The following ADCY8 variants were observed in gnomAD, a reference collection of about 807,000 sequenced individuals.
The protein encoded by ADCY8 is adenylate cyclase type 8.
ADCY8 carries 51 observed loss-of-function variants against 119.7 expected under a neutral mutation model. That is an observed-to-expected ratio of 0.43 (90% CI 0.34 to 0.54). The LOEUF is 0.54. Among genes scored for constraint, ADCY8 ranks in the 20% least tolerant of loss-of-function variants. The pLI, the probability that ADCY8 is intolerant of heterozygous loss-of-function variation, is 0.03. For synonymous variants in ADCY8, 665 were observed against 651.0 expected (o/e 1.02, Z -0.33); for missense variants, 1,383 against 1,598.8 (o/e 0.87, Z 2.30).
intron 14 of ADCY8, among the ~76,000 whole-genome samples, chr8:130,801,081 T>C (rs1236882220): frequency 6.6e-6 from 1 of 152,188 alleles, no homozygotes; most frequent in African/African-American, 2.4e-5. Flanking sequence ...GAATATTCAG[T>C]CCATTGCACC....
intron 5 of ADCY8, among the ~76,000 whole-genome samples, chr8:130,917,167 G>A (rs1820154211): frequency 6.6e-6 from 1 of 152,112 alleles, no homozygotes; most frequent in African/African-American, 2.4e-5. Context: ...TCCTGTGCTA[G>A]GCCTTTTACC....
intron 8 of ADCY8, among the ~76,000 whole-genome samples, chr8:130,875,262 T>C (rs1160954536): frequency 2.0e-5 from 3 of 152,200 alleles, no homozygotes; most frequent in African/African-American, 7.2e-5. Flanking sequence ...CTTTGAAACC[T>C]GTCCTTCACA....
chr8:130,874,347 AAATAAAT>A (rs1159976878), intron 8 of ADCY8, among the ~76,000 whole-genome samples: 7 of 121,594 alleles, frequency 5.8e-5, no homozygotes, highest in East Asian at 2.9e-4. Context: ...ATAAATAAAT[AAATAAAT>A]AAAATACACC....
chr8:130,933,009 T>A (rs1820679167), intron 5 of ADCY8, among the ~76,000 whole-genome samples: 1 of 152,160 alleles, frequency 6.6e-6, no homozygotes, highest in Non-Finnish European at 1.5e-5. Flanking sequence ...CCAAATGCCA[T>A]CTTACCAACA....
intron 1 of ADCY8, among the ~76,000 whole-genome samples, chr8:131,010,625 T>C (rs1414227227): frequency 6.6e-6 from 1 of 152,176 alleles, no homozygotes; most frequent in African/African-American, 2.4e-5. Context: ...AATAAAGCAC[T>C]TTAAATAATT....
intron 1 of ADCY8, among the ~76,000 whole-genome samples, chr8:131,015,179 G>A (rs1428102136): frequency 5.3e-5 from 8 of 152,172 alleles, no homozygotes; most frequent in South Asian, 2.1e-4. Context: ...GGATATGTCA[G>A]TCATCAAAAT....
intron 1 of ADCY8, 157 bp from the exon 2 acceptor site, chr8:130,990,699 T>C (rs1804871112): frequency 1.1e-6 from 1 of 875,278 alleles, no homozygotes; most frequent in African/African-American, 1.8e-5. Context: ...CATTCAGATC[T>C]TGAGGCAAAT....
In ADCY8 at chr8:130,890,214, G is replaced by A. The variant is rs546915523; in HGVS notation, c.1912-5453C>T. Reference sequence around the variant, plus strand: ...CGGGGCCTGTTGTGGGGTCAGGGGAGTGGGGAGGGATAGCATTTGGAGATA... The same window carrying A: ...CGGGGCCTGTTGTGGGGTCAGGGGAATGGGGAGGGATAGCATTTGGAGATA... On this transcript the variant is annotated intron_variant, in intron 7 of 17. Transcript: ENST00000286355. Among the ~76,000 whole-genome samples, 1,084 of 141,720 alleles carry A rather than the reference G, an allele frequency of 7.6e-3. 19 individuals are homozygous for A. Among genetic ancestry groups the A allele is most frequent in the Non-Finnish European group, 0.012 (758 of 64,712 alleles). 93.0% of individuals were successfully genotyped at this position (141,720 alleles called of 152,430 possible). A position where few individuals can be genotyped will look rare whatever the true frequency, so the allele number is the denominator to read the frequency against.
Position 130,842,730 on chromosome 8 carries a change from G to C in ADCY8, c.2502+4694C>G, listed in dbSNP as rs117374803. Among the ~76,000 whole-genome samples, 833 of 152,032 alleles carry C rather than the reference G, an allele frequency of 5.5e-3. 6 individuals carry two copies. The highest frequency in any genetic ancestry group is 0.048 in the Middle Eastern group (14 of 294). On this transcript the variant is annotated intron_variant, in intron 11 of 17. Coordinates refer to ENST00000286355, the MANE Select transcript of ADCY8 (RefSeq NM_001115.3). ...ATAATAATAATAAAAAACTTAGCTC[G>C]GTGTGTTGGTGCATGCCTGTAGTCC...
At chr8:130,907,385 T>A (rs1819823658) in intron 6 of ADCY8, among the ~76,000 whole-genome samples, 1 of 152,148 alleles carries the variant, frequency 6.6e-6, no homozygotes, top group South Asian at 2.1e-4. Flanking sequence ...TATAACAATA[T>A]CAAACCATGG....
At chr8:130,983,414 A>G (rs1822296920) in intron 2 of ADCY8, among the ~76,000 whole-genome samples, 1 of 152,174 alleles carries the variant, frequency 6.6e-6, no homozygotes, top group Non-Finnish European at 1.5e-5. Flanking sequence ...GAGGGTAATG[A>G]GTCTGTTGAT....
intron 5 of ADCY8, among the ~76,000 whole-genome samples, chr8:130,921,106 C>G (rs1299027878): frequency 6.6e-6 from 1 of 152,192 alleles, no homozygotes; most frequent in African/African-American, 2.4e-5. Context: ...TTTGAAATAA[C>G]ATTTTCTTTT....
chr8:131,001,338 C>T (rs1822940159), intron 1 of ADCY8, among the ~76,000 whole-genome samples: 1 of 152,024 alleles, frequency 6.6e-6, no homozygotes, highest in South Asian at 2.1e-4. Context: ...TACTAAACGC[C>T]TTTGCACCTG....
intron 11 of ADCY8, among the ~76,000 whole-genome samples, chr8:130,839,310 A>G (rs1332768139): frequency 1.4e-5 from 2 of 139,068 alleles, no homozygotes; most frequent in African/African-American, 2.5e-5. Flanking sequence ...TGCCTTCTTT[A>G]CTCCTATCCC....
At chr8:130,823,733 C>T (rs1023989998) in intron 12 of ADCY8, among the ~76,000 whole-genome samples, 3 of 151,946 alleles carry the variant, frequency 2.0e-5, no homozygotes, top group Non-Finnish European at 2.9e-5. Context: ...TAAAGATGCA[C>T]ATATAAAAAA....
At chr8:130,922,454 A>C (rs1405642386) in intron 5 of ADCY8, among the ~76,000 whole-genome samples, 1 of 152,122 alleles carries the variant, frequency 6.6e-6, no homozygotes, top group Non-Finnish European at 1.5e-5. Flanking sequence ...AACAAAGCAC[A>C]TCTTGCACCG....
At chr8:130,890,460 C>T (rs1819147787) in intron 7 of ADCY8, among the ~76,000 whole-genome samples, 1 of 152,106 alleles carries the variant, frequency 6.6e-6, no homozygotes, top group African/African-American at 2.4e-5. Context: ...CCCAAATGGA[C>T]TTCAAATTTT....
Position 130,887,225 on chromosome 8 carries a change from C to T in ADCY8, c.1912-2464G>A, listed in dbSNP as rs796219097. ...GCCGTCCATTCAGAGAAGGATTCTG[C>T]TGCCATTGGCCACTTCTGTAGGATA... On this transcript the variant is annotated intron_variant, in intron 7 of 17. Coordinates refer to ENST00000286355, the MANE Select transcript of ADCY8 (RefSeq NM_001115.3). 6.6e-5 allele frequency among the ~76,000 whole-genome samples: 10 copies of T among 152,284 alleles called. 1 individual carries two copies. Among genetic ancestry groups the T allele is most frequent in the African/African-American group, 2.4e-4 (10 of 41,572 alleles).
Position 130,783,725 on chromosome 8 carries a change from G to A in ADCY8, c.3234C>T (p.Asn1078=), listed in dbSNP as rs371341906. 1 of 1,613,660 alleles carries A rather than the reference G, an allele frequency of 6.2e-7. No individual in the cohort carries two copies. Among genetic ancestry groups the A allele is most frequent in the African/African-American group, 1.3e-5 (1 of 75,042 alleles). Residue 1078 remains asparagine (N), a synonymous_variant, in exon 17 of 18, where the codon AAC becomes AAT. Coordinates refer to ENST00000286355, the MANE Select transcript of ADCY8 (RefSeq NM_001115.3). ...LALTESIQEI[N]KHSFNNFELR... ...GTTCAAAATTGTTGAATGAATGCTTGTTGATCTCCTGTATGCTTTCTGTCA... is the reference window on the plus strand; with the variant it reads ...GTTCAAAATTGTTGAATGAATGCTTATTGATCTCCTGTATGCTTTCTGTCA...
Sources: allele counts gnomAD v4.1 joint callset (sites outside exome capture counted in the v4.1 genomes callset), GRCh38; gene constraint gnomAD v4.1.1; transcripts MANE v1.5; gene names NCBI Gene and HGNC (gene_info 2026-07-23, HGNC 2026-07-21).